CHD1L: variants seen among roughly 807,000 people sequenced by gnomAD.
The protein encoded by CHD1L is chromodomain helicase DNA binding protein 1 like.
In CHD1L, 118 loss-of-function variants were observed where a neutral mutation model predicts 115.9. The ratio of observed to expected loss-of-function variants is 1.02; its 90% CI spans 0.88 to 1.19. The LOEUF is 1.19. CHD1L is among the 50% of genes most tolerant of loss of function. The pLI, the probability that CHD1L is intolerant of heterozygous loss-of-function variation, is 0.00. For missense variants in CHD1L, 1,179 were observed against 1,065.3 expected, an observed-to-expected ratio of 1.11 and a Z score of -1.49; for synonymous variants, 411 against 387.1, an observed-to-expected ratio of 1.06 and a Z score of -0.72.
the CHD1L span, among the ~76,000 whole-genome samples, chr1:147,200,742 ATTTTAT>A: frequency 6.6e-6 from 1 of 152,146 alleles, no homozygotes; most frequent in East Asian, 1.9e-4. Flanking sequence ...CTATTTCTAT[ATTTTAT>A]TTTTATCTAT....
chr1:147,204,463 A>G, the CHD1L span: 1 of 1,394,158 alleles, frequency 7.2e-7, no homozygotes. Context: ...GACTTCATCA[A>G]CATCTCGAAG....
chr1:147,286,301 G>T lies in CHD1L; in HGVS notation c.2022G>T (p.Met674Ile), dbSNP rs1683109073. 1.2e-6 allele frequency: 2 copies of T among 1,613,706 alleles called. No individual in the cohort carries two copies. The highest frequency in any genetic ancestry group is 2.7e-5 in the African/African-American group (2 of 74,918). The change falls in exon 18 of 23, where the codon ATG becomes ATT. Residue 674 changes from methionine (M) to isoleucine (I), a missense_variant. Physicochemically the swap from Met to Ile is conservative, Grantham distance 10. Coordinates refer to ENST00000369258, the MANE Select transcript of CHD1L (RefSeq NM_004284.6). ...TTTTGTCTCTGGCCTGCTAAAGGAT[G>T]GCCTGGTGGGAATCCAACAATTACC... ...QKEEAEHKKK[M>I]AWWESNNYQS...
intron 2 of CHD1L, among the ~76,000 whole-genome samples, chr1:147,253,403 A>G (rs2102374275): frequency 6.6e-6 from 1 of 152,384 alleles, no homozygotes; most frequent in East Asian, 1.9e-4. Flanking sequence ...GAGAAGCCAT[A>G]GATAATTTAA....
intron 2 of CHD1L, among the ~76,000 whole-genome samples, chr1:147,253,350 A>G (rs932642738): frequency 6.6e-5 from 10 of 152,270 alleles, no homozygotes; most frequent in Non-Finnish European, 2.9e-5. Flanking sequence ...TTTTAATTCA[A>G]TAAGCCACTT....
chr1:147,206,023 A>C, the CHD1L span, among the ~76,000 whole-genome samples: 2 of 151,564 alleles, frequency 1.3e-5, no homozygotes, highest in Admixed American at 6.6e-5. Context: ...CTCATCTGAC[A>C]AAGGGCTAAT....
In CHD1L at chr1:147,267,607, A is replaced by G. The variant is rs1674456453; in HGVS notation, c.988+89A>G. On this transcript the variant is annotated intron_variant, in intron 9 of 22. Coordinates refer to ENST00000369258, the MANE Select transcript of CHD1L (RefSeq NM_004284.6). ...AAAATTCTTCAAAATAATTGCATAT[A>G]CTTACTTTGTCTACTTTGTTTATTC... 15 of 972,164 alleles carry G rather than the reference A, an allele frequency of 1.5e-5. No homozygotes were observed. The South Asian group carries it at 2.2e-4, about 14-fold the overall frequency. The allele number at this position is 972,164 out of a possible 1,614,324, so 60.2% of individuals were successfully genotyped here.
chr1:147,293,545 G>T, intron 20 of CHD1L, 63 bp from the exon 21 acceptor site: 3 of 1,384,986 alleles, frequency 2.2e-6, no homozygotes, highest in Middle Eastern at 1.8e-4. Flanking sequence ...CTCCATGGGC[G>T]GTCACTTGGT....
the CHD1L span, among the ~76,000 whole-genome samples, chr1:147,224,698 G>A: frequency 1.3e-5 from 2 of 152,016 alleles, no homozygotes; most frequent in East Asian, 3.9e-4. Context: ...TTTTAGTAGA[G>A]ACGAGGTTTC....
At chr1:147,264,282 C>T in intron 6 of CHD1L, 140 bp from the exon 7 acceptor site, 1 of 724,766 alleles carries the variant, frequency 1.4e-6, no homozygotes, top group Non-Finnish European at 2.2e-6. Context: ...GCAGCTTCAA[C>T]CTGAGCCATC....
chr1:147,281,013 T>A (rs1249689102), intron 15 of CHD1L, among the ~76,000 whole-genome samples: 1 of 152,138 alleles, frequency 6.6e-6, no homozygotes, highest in African/African-American at 2.4e-5. Context: ...AGTGGCATGA[T>A]TTCTGGTTTT....
At chr1:147,264,365 C>T in intron 6 of CHD1L, 57 bp from the exon 7 acceptor site, 5 of 1,464,326 alleles carry the variant, frequency 3.4e-6, no homozygotes, top group Non-Finnish European at 4.6e-6. Context: ...TGATGGGTAA[C>T]TCAGCCTTGC....
the CHD1L span, among the ~76,000 whole-genome samples, chr1:147,219,983 C>T: frequency 4.6e-5 from 7 of 151,902 alleles, no homozygotes; most frequent in East Asian, 1.9e-4. Context: ...GGACTACAGG[C>T]GCATGCCACC....
the CHD1L span, among the ~76,000 whole-genome samples, chr1:147,185,091 G>A: frequency 6.6e-6 from 1 of 152,050 alleles, no homozygotes; most frequent in African/African-American, 2.4e-5. Flanking sequence ...TCAGTAACAA[G>A]AGCTTTGTAT....
chr1:147,187,346 T>G, the CHD1L span: 1 of 780,468 alleles, frequency 1.3e-6, no homozygotes, highest in Non-Finnish European at 2.0e-6. Flanking sequence ...AATATCAGAC[T>G]AGGAGCTGTG....
At chr1:147,246,963 T>G (rs191213409) in intron 1 of CHD1L, among the ~76,000 whole-genome samples, 153 of 152,324 alleles carry the variant, frequency 1.0e-3, no homozygotes, top group African/African-American at 3.5e-3. Context: ...GCTTCTTATT[T>G]AAGTCCATGA....
chr1:147,213,669 CA>C, the CHD1L span, among the ~76,000 whole-genome samples: 1 of 152,132 alleles, frequency 6.6e-6, no homozygotes, highest in Non-Finnish European at 1.5e-5. Flanking sequence ...AAAAAAATAA[CA>C]TAGTGTTGGC....
the CHD1L span, among the ~76,000 whole-genome samples, chr1:147,206,285 G>A: frequency 6.6e-6 from 1 of 151,544 alleles, no homozygotes; most frequent in Non-Finnish European, 1.5e-5. Context: ...TGGAGAGGAT[G>A]TGGAGAAATA....
Position 147,269,726 on chromosome 1 carries a change from C to G in CHD1L, c.1085+848C>G, listed in dbSNP as rs587767687. 2.7e-5 allele frequency among the ~76,000 whole-genome samples: 4 copies of G among 150,628 alleles called. No homozygotes were observed. In the South Asian group the frequency reaches 8.4e-4, roughly 32 times the overall value. On this transcript the variant is annotated intron_variant, in intron 10 of 22. Transcript: ENST00000369258. ...TAGTGTTCAACAGCCATGTGTTCAGCTTATACCTAATCCTCCTAGTCACCA... is the reference window on the plus strand; with the variant it reads ...TAGTGTTCAACAGCCATGTGTTCAGGTTATACCTAATCCTCCTAGTCACCA...
the CHD1L span, among the ~76,000 whole-genome samples, chr1:147,227,290 T>C: frequency 6.6e-6 from 1 of 152,238 alleles, no homozygotes; most frequent in Non-Finnish European, 1.5e-5. Context: ...ACTTGTAAAT[T>C]GGATAATTTT....
Sources: gnomAD v4.1 joint callset for allele counts (sites outside exome capture counted in the v4.1 genomes callset) on GRCh38, gnomAD v4.1.1 for gene constraint, MANE v1.5 for transcripts, NCBI Gene and HGNC (gene_info 2026-07-23, HGNC 2026-07-21) for gene names.